The following FXN variants were observed in gnomAD, a reference collection of about 807,000 sequenced individuals.
FXN encodes the protein frataxin, mitochondrial.
In FXN, 14 loss-of-function variants were observed where a neutral mutation model predicts 22.4. The observed-to-expected ratio is 0.62, with a 90% CI of 0.41 to 0.98. The LOEUF is 0.98. FXN is among the 50% of genes least tolerant of loss of function. The probability of loss-of-function intolerance (pLI) is 0.00; values close to 1 mark genes in which losing one functional copy is unlikely to be tolerated. For missense variants in FXN, 267 were observed against 268.4 expected, an observed-to-expected ratio of 0.99 and a Z score of 0.04; for synonymous variants, 120 against 114.1, an observed-to-expected ratio of 1.05 and a Z score of -0.33.
In FXN at chr9:69,077,612, T is replaced by C; in HGVS notation, c.*4850T>C. 2.0e-6 allele frequency: 2 copies of C among 985,432 alleles called. No individual in the cohort carries two copies. The highest frequency in any genetic ancestry group is 2.4e-6 in the Non-Finnish European group (2 of 829,962). The allele number at this position is 985,432 out of a possible 1,614,324, so 61.0% of individuals were successfully genotyped here. On this transcript the variant is annotated 3_prime_UTR_variant, in exon 5 of 5. Transcript: ENST00000484259. ...TTTCTGTGATCTGTGGGAACATTGT[T>C]AACGCCACATCTTGACCTCAAATTG...
intron 1 of FXN, 56 bp downstream of exon 1, chr9:69,036,003 A>T: frequency 7.8e-7 from 1 of 1,280,444 alleles, no homozygotes; most frequent in Non-Finnish European, 9.8e-7. Context: ...CGCACGCCGC[A>T]CGCCTGCGCA....
intron 1 of FXN, 163 bp downstream of exon 1, chr9:69,036,110 A>G (rs570521734): frequency 3.1e-4 from 141 of 460,262 alleles, no homozygotes; most frequent in African/African-American, 2.6e-3. Flanking sequence ...CGGCCTTGCA[A>G]CTCCCTTCTC....
At position 69,049,245 on chromosome 9, in the gene FXN, G is replaced by A. The variant is rs540946425; in HGVS notation, c.263+2763G>A. On this transcript the variant is annotated intron_variant, in intron 2 of 4. Transcript: ENST00000484259. ...GGTATAAAGTCGGTTGTGTCCTTAC[G>A]TTTCTCAAATTCTTCAAGACACGTC... Among the ~76,000 whole-genome samples the A allele has an allele frequency of 7.9e-5, 12 of 152,218 alleles. No individual in the cohort carries two copies. The East Asian group carries it at 1.9e-3, about 24-fold the overall frequency.
At chr9:69,041,707 G>T (rs1387661822) in intron 1 of FXN, among the ~76,000 whole-genome samples, 1 of 152,198 alleles carries the variant, frequency 6.6e-6, no homozygotes, top group African/African-American at 2.4e-5. Flanking sequence ...GGCCATCCAG[G>T]CCAGTCCTTA....
At chr9:69,059,160 C>T (rs999512625) in intron 3 of FXN, among the ~76,000 whole-genome samples, 1 of 152,112 alleles carries the variant, frequency 6.6e-6, no homozygotes, top group Non-Finnish European at 1.5e-5. Flanking sequence ...TTGGTTTGAA[C>T]AGTTGGCCGC....
Position 69,077,741 on chromosome 9 carries a change from T to G in FXN, c.*4979T>G. 1 of 762,038 alleles carries G rather than the reference T, an allele frequency of 1.3e-6. No homozygotes were observed. Among genetic ancestry groups the G allele is most frequent in the Non-Finnish European group, 1.6e-6 (1 of 626,268 alleles). 47.2% of individuals were successfully genotyped at this position (762,038 alleles called of 1,614,324 possible). A position where few individuals can be genotyped will look rare whatever the true frequency, so the allele number is the denominator to read the frequency against. ...GGTTAGGAGTTCGAGGCCAGCCTGGTCAACATGGTAAAACCCCGCCTCTAC... is the reference window on the plus strand; with the variant it reads ...GGTTAGGAGTTCGAGGCCAGCCTGGGCAACATGGTAAAACCCCGCCTCTAC... On this transcript the variant is annotated 3_prime_UTR_variant, in exon 5 of 5. Coordinates refer to ENST00000484259, the MANE Select transcript of FXN (RefSeq NM_000144.5).
chr9:69,039,572 T>G (rs1831619177), intron 1 of FXN, among the ~76,000 whole-genome samples: 1 of 152,150 alleles, frequency 6.6e-6, no homozygotes, highest in African/African-American at 2.4e-5. Flanking sequence ...CTATGTTTTT[T>G]GATGGAGGGA....
chr9:69,039,125 C>G (rs914213362), intron 1 of FXN, among the ~76,000 whole-genome samples: 5 of 151,760 alleles, frequency 3.3e-5, no homozygotes, highest in African/African-American at 1.2e-4. Context: ...TGGTGGCACT[C>G]ACCTGTAATC....
chr9:69,071,944 T>TA (rs777575699), intron 4 of FXN, among the ~76,000 whole-genome samples: 5 of 152,218 alleles, frequency 3.3e-5, no homozygotes, highest in Non-Finnish European at 7.3e-5. Flanking sequence ...GCATTATAAG[T>TA]AATCTGGAGA....
chr9:69,053,087 A>AT, intron 2 of FXN, 53 bp from the exon 3 acceptor site: 1 of 1,587,278 alleles, frequency 6.3e-7, no homozygotes. Context: ...TTTGATATTA[A>AT]TAAAATGGAA....
rs999874381 is a variant in FXN, at chr9:69,075,387, G to T, written c.*2625G>T. On this transcript the variant is annotated 3_prime_UTR_variant, in exon 5 of 5. Transcript: ENST00000484259. Reference sequence around the variant, plus strand: ...AGGCAGGAGAATCGCTGTAACCTGGGGGGTGGAGGTTGCAGTGAGACGAGA... The same window carrying T: ...AGGCAGGAGAATCGCTGTAACCTGGTGGGTGGAGGTTGCAGTGAGACGAGA... 4 of 715,638 alleles carry T rather than the reference G, an allele frequency of 5.6e-6. No individual in the cohort carries two copies. The highest frequency in any genetic ancestry group is 1.9e-5 in the African/African-American group (1 of 51,398). The allele number at this position is 715,638 out of a possible 1,614,324, so 44.3% of individuals were successfully genotyped here.
chr9:69,037,284 A>AAAAAAGAAGAAGAAGAAGAAG (rs544093183), intron 1 of FXN, among the ~76,000 whole-genome samples: 4 of 78,058 alleles, frequency 5.1e-5, no homozygotes, highest in Non-Finnish European at 1.0e-4. Context: ...AAAAAAAAAA[A>AAAAAAGAAGAAGAAGAAGAAG]AAGAAGAAGA....
chr9:69,043,072 A>C (rs1831686249), intron 1 of FXN, among the ~76,000 whole-genome samples: 1 of 152,188 alleles, frequency 6.6e-6, no homozygotes, highest in African/African-American at 2.4e-5. Flanking sequence ...CCCCAAAATC[A>C]GTACCCCTAG....
rs1415069191 is a variant in FXN at position 69,077,275 on chromosome 9, T to G, written c.*4513T>G. The G allele has an allele frequency of 2.0e-6, 2 of 985,296 alleles. No individual in the cohort carries two copies. Among genetic ancestry groups the G allele is most frequent in the East Asian group, 2.3e-4 (2 of 8,824 alleles). 61.0% of individuals were successfully genotyped at this position (985,296 alleles called of 1,614,324 possible). On this transcript the variant is annotated 3_prime_UTR_variant, in exon 5 of 5. Coordinates refer to ENST00000484259, the MANE Select transcript of FXN (RefSeq NM_000144.5). Reference sequence around the variant, plus strand: ...AGGACACTTGGAGTGCATCCCGAAGTACCTGATCAGTGGCCCCTTTGGAAT... The same window carrying G: ...AGGACACTTGGAGTGCATCCCGAAGGACCTGATCAGTGGCCCCTTTGGAAT...
rs541332672 is a variant in FXN, at chr9:69,062,883, A to G, written c.385-2055A>G. Among the ~76,000 whole-genome samples the G allele has an allele frequency of 6.5e-4, 97 of 150,254 alleles. 2 individuals carry two copies. The South Asian group carries it at 0.013, about 20-fold the overall frequency. On this transcript the variant is annotated intron_variant, in intron 3 of 4. Transcript: ENST00000484259. ...AATTTAGCGTTATGTGCTTTTTACTATAGTAAAATTAAAAAAAAAAAAAAT... is the reference window on the plus strand; with the variant it reads ...AATTTAGCGTTATGTGCTTTTTACTGTAGTAAAATTAAAAAAAAAAAAAAT...
Position 69,075,384 on chromosome 9 carries a change from T to TG in FXN, c.*2628dup, listed in dbSNP as rs1038638314. The TG allele has an allele frequency of 1.4e-5, 10 of 717,206 alleles. No homozygotes were observed. Among genetic ancestry groups the TG allele is most frequent in the African/African-American group, 1.9e-5 (1 of 51,350 alleles). The allele number at this position is 717,206 out of a possible 1,614,324, so 44.4% of individuals were successfully genotyped here. A position where few individuals can be genotyped will look rare whatever the true frequency, so the allele number is the denominator to read the frequency against. ...CTGAGGCAGGAGAATCGCTGTAACC[T>TG]GGGGGGTGGAGGTTGCAGTGAGACG... On this transcript the variant is annotated 3_prime_UTR_variant, in exon 5 of 5. Coordinates refer to ENST00000484259, the MANE Select transcript of FXN (RefSeq NM_000144.5).
chr9:69,056,091 C>T (rs1244659925), intron 3 of FXN, among the ~76,000 whole-genome samples: 3 of 152,082 alleles, frequency 2.0e-5, no homozygotes, highest in South Asian at 2.1e-4. Context: ...GTTTCCCAGG[C>T]TGGTCTCAAA....
In FXN at chr9:69,045,711, A is replaced by G. The variant is rs576134509; in HGVS notation, c.166-674A>G. On this transcript the variant is annotated intron_variant, in intron 1 of 4. Transcript: ENST00000484259. ...ACAAGAGCAAGGCCTGGTACCAAAAAAAGTGAATTTACTCCGAAACTAGCT... is the reference window on the plus strand; with the variant it reads ...ACAAGAGCAAGGCCTGGTACCAAAAGAAGTGAATTTACTCCGAAACTAGCT... Among the ~76,000 whole-genome samples the G allele has an allele frequency of 3.9e-4, 60 of 152,320 alleles. 1 individual carries two copies. The highest frequency in any genetic ancestry group is 1.4e-3 in the African/African-American group (60 of 41,572).
chr9:69,072,255 C>T (rs1436957524), intron 4 of FXN, among the ~76,000 whole-genome samples: 1 of 152,154 alleles, frequency 6.6e-6, no homozygotes. Flanking sequence ...ATAGGTAAGG[C>T]ACAAGTTACA....
Sources: allele counts gnomAD v4.1 joint callset (sites outside exome capture counted in the v4.1 genomes callset), GRCh38; gene constraint gnomAD v4.1.1; transcripts MANE v1.5; gene names NCBI Gene and HGNC (gene_info 2026-07-23, HGNC 2026-07-21).